The following ANAPC7 variants were observed in gnomAD, a reference collection of about 807,000 sequenced individuals.
ANAPC7 encodes anaphase-promoting complex subunit 7.
A neutral mutation model predicts 63.3 loss-of-function variants in ANAPC7; 25 were observed. The observed-to-expected ratio is 0.39, with a 90% CI of 0.29 to 0.55. ANAPC7 has a LOEUF of 0.55. Ranked by LOEUF, ANAPC7 falls within the 20% of genes least tolerant of loss-of-function variation. The pLI is 0.57. For synonymous variants in ANAPC7, 241 were observed against 251.7 expected (o/e 0.96, Z 0.40); for missense variants, 516 against 691.7 (o/e 0.75, Z 2.85).
intron 1 of ANAPC7, among the ~76,000 whole-genome samples, chr12:110,397,820 G>A (rs145073369): frequency 3.6e-4 from 54 of 151,312 alleles, no homozygotes; most frequent in African/African-American, 1.2e-3. Flanking sequence ...GCTTGAACCC[G>A]GGAGGCAGAG....
At chr12:110,398,642 GTTTTTC>G (rs1432389368) in intron 1 of ANAPC7, among the ~76,000 whole-genome samples, 1 of 152,154 alleles carries the variant, frequency 6.6e-6, no homozygotes, top group Non-Finnish European at 1.5e-5. Context: ...GAAGTTTACT[GTTTTTC>G]TTTGACAAGT....
At chr12:110,382,454 AAAAAAAAAT>A (rs1166217797) in intron 7 of ANAPC7, among the ~76,000 whole-genome samples, 26 of 93,642 alleles carry the variant, frequency 2.8e-4, no homozygotes, top group Non-Finnish European at 4.3e-4. Flanking sequence ...AAAAAAAAAA[AAAAAAAAAT>A]ATATATATAT....
At chr12:110,383,635 C>T (rs1306201793) in intron 6 of ANAPC7, among the ~76,000 whole-genome samples, 1 of 151,968 alleles carries the variant, frequency 6.6e-6, no homozygotes, top group Non-Finnish European at 1.5e-5. Flanking sequence ...GTAAACCCAG[C>T]ACTTTGGGAG....
At chr12:110,380,062 C>A (rs1881673068) in intron 8 of ANAPC7, among the ~76,000 whole-genome samples, 1 of 152,172 alleles carries the variant, frequency 6.6e-6, no homozygotes, top group Non-Finnish European at 1.5e-5. Context: ...AAAGAATAGG[C>A]CTAACAGGCC....
chr12:110,387,551 G>C, intron 5 of ANAPC7, 188 bp downstream of exon 5: 1 of 576,244 alleles, frequency 1.7e-6, no homozygotes, highest in Non-Finnish European at 2.9e-6. Context: ...TATTTTTACA[G>C]GTCTCCAACA....
intron 1 of ANAPC7, among the ~76,000 whole-genome samples, chr12:110,397,360 C>T (rs1169125855): frequency 6.6e-6 from 1 of 151,472 alleles, no homozygotes; most frequent in African/African-American, 2.4e-5. Context: ...CGAGATCATC[C>T]TGGCCAACAC....
At chr12:110,383,132 A>G in intron 6 of ANAPC7, 172 bp from the exon 7 acceptor site, 1 of 573,490 alleles carries the variant, frequency 1.7e-6, no homozygotes, top group Non-Finnish European at 3.1e-6. Flanking sequence ...TTTCCTACAA[A>G]GTGACTATTA....
chr12:110,388,462 C>A (rs79239201), intron 4 of ANAPC7, 50 bp downstream of exon 4: 2 of 1,426,344 alleles, frequency 1.4e-6, no homozygotes, highest in Non-Finnish European at 2.0e-6. Context: ...TTGAGAACTA[C>A]TATCTTTGAC....
intron 1 of ANAPC7, among the ~76,000 whole-genome samples, chr12:110,396,861 A>C (rs1191306915): frequency 3.3e-5 from 5 of 151,974 alleles, no homozygotes; most frequent in Non-Finnish European, 7.4e-5. Context: ...ATATTCTCAT[A>C]TTAAGATGAA....
chr12:110,376,973 T>A (rs574126788), intron 9 of ANAPC7, among the ~76,000 whole-genome samples: 5 of 150,334 alleles, frequency 3.3e-5, no homozygotes, highest in South Asian at 2.1e-4. Flanking sequence ...AAAAAAATAA[T>A]AAAAAATAAA....
At chr12:110,379,308 C>T (rs949330351) in intron 8 of ANAPC7, among the ~76,000 whole-genome samples, 1 of 152,174 alleles carries the variant, frequency 6.6e-6, no homozygotes, top group Non-Finnish European at 1.5e-5. Flanking sequence ...TCTCTACCAG[C>T]AAAAGAAGGA....
chr12:110,395,315 ATTCTT>A lies in ANAPC7; in HGVS notation c.289-100_289-96del, dbSNP rs973841892. On this transcript the variant is annotated intron_variant, in intron 2 of 10. Transcript: ENST00000455511. ...CATAGAGTTATCATATGACCCAGCA[ATTCTT>A]TTTTTTTTTTTTGAGACAGGGTCTC... The A allele has an allele frequency of 2.3e-6, 3 of 1,277,482 alleles. No individual in the cohort carries two copies. In the African/African-American group the frequency reaches 4.7e-5, roughly 20 times the overall value. 79.1% of individuals were successfully genotyped at this position (1,277,482 alleles called of 1,614,324 possible).
chr12:110,403,488 T>C (rs1489876874), intron 1 of ANAPC7, 39 bp downstream of exon 1: 1 of 1,548,748 alleles, frequency 6.5e-7, no homozygotes, highest in Non-Finnish European at 8.7e-7. Context: ...CCGCCGCCGC[T>C]TTCTCCTCAG....
chr12:110,387,696 G>A, intron 5 of ANAPC7, 43 bp downstream of exon 5: 1 of 1,571,080 alleles, frequency 6.4e-7, no homozygotes, highest in Non-Finnish European at 8.7e-7. Context: ...TTCCAGACAA[G>A]CAAAGGGCCT....
intron 10 of ANAPC7, among the ~76,000 whole-genome samples, chr12:110,374,732 T>G (rs1263802811): frequency 6.6e-6 from 1 of 152,138 alleles, no homozygotes; most frequent in Non-Finnish European, 1.5e-5. Flanking sequence ...AAATAGGAAT[T>G]TCTCTGAGTA....
intron 5 of ANAPC7, 135 bp downstream of exon 5, chr12:110,387,604 G>C (rs1882730465): frequency 1.9e-6 from 2 of 1,026,234 alleles, no homozygotes; most frequent in Non-Finnish European, 2.9e-6. Flanking sequence ...CAGTATAAAA[G>C]ACTAACACAT....
rs533546702 is a variant in ANAPC7, at chr12:110,390,278, T to C, written c.409-1655A>G. ...AAGTAGAGATGGTGTTTCACCATGT[T>C]GGCCAGGCTGGTCTTGAACTCCTGA... On this transcript the variant is annotated intron_variant, in intron 3 of 10. Transcript: ENST00000455511. Among the ~76,000 whole-genome samples, 3 of 152,218 alleles carry C rather than the reference T, an allele frequency of 2.0e-5. No homozygotes were observed. The South Asian group carries it at 6.2e-4, about 32-fold the overall frequency.
In ANAPC7 at chr12:110,396,309, A is replaced by C. The variant is rs1159797895; in HGVS notation, c.245T>G (p.Val82Gly). The C allele has an allele frequency of 5.6e-6, 9 of 1,613,480 alleles. No homozygotes were observed. The highest frequency in any genetic ancestry group is 7.6e-6 in the Non-Finnish European group (9 of 1,179,904). The change falls in exon 2 of 11, where the codon GTG becomes GGG. Residue 82 changes from valine (V) to glycine (G), a missense_variant. Transcript: ENST00000455511. ...QKKALSKTSK[V>G]RPSTGNSAST... ...TGCAGAATTTCCAGTTGAAGGTCTC[A>C]CTTTTGAAGTTTTACTTAGCGCTTT...
intron 1 of ANAPC7, among the ~76,000 whole-genome samples, chr12:110,397,469 C>T (rs1404743951): frequency 2.0e-5 from 3 of 150,512 alleles, no homozygotes; most frequent in African/African-American, 4.9e-5. Flanking sequence ...AGGAGAATTG[C>T]TTTAACCTAG....
Sources: allele counts gnomAD v4.1 joint callset (sites outside exome capture counted in the v4.1 genomes callset), GRCh38; gene constraint gnomAD v4.1.1; transcripts MANE v1.5; gene names NCBI Gene and HGNC (gene_info 2026-07-23, HGNC 2026-07-21).